Variants in CPS1 observed in about 807,000 individuals in gnomAD.
CPS1 encodes carbamoyl-phosphate synthase 1, also known as carbamoyl-phosphate synthase [ammonia], mitochondrial.
A neutral mutation model predicts 174.6 loss-of-function variants in CPS1; 109 were observed. The observed-to-expected ratio is 0.62, with a 90% CI of 0.53 to 0.73. CPS1 has a LOEUF of 0.73. CPS1 is among the 30% of genes least tolerant of loss of function. The pLI is 0.00. For synonymous variants in CPS1, 637 were observed against 632.0 expected, an observed-to-expected ratio of 1.01 and a Z score of -0.12; for missense variants, 1,689 against 1,821.9, an observed-to-expected ratio of 0.93 and a Z score of 1.33.
rs756021170 is a variant in CPS1 at position 210,590,157 on chromosome 2, G to A, written c.763G>A (p.Glu255Lys). The A allele has an allele frequency of 1.9e-5, 31 of 1,612,794 alleles. No homozygotes were observed. Among genetic ancestry groups the A allele is most frequent in the African/African-American group, 5.3e-5 (4 of 74,792 alleles). Residue 255 changes from glutamate to lysine, a missense_variant, in exon 8 of 38, where the codon GAG becomes AAG. By Grantham distance (56) the Glu-to-Lys change is moderately conservative (BLOSUM62 1). Transcript: ENST00000233072. The part of the protein sequence containing the change: ...VPWNHDFTKM[E>K]YDGILIAGGP... Reference sequence around the variant, plus strand: ...CTGGAACCATGATTTCACCAAGATGGAGTATGATGGGATTTTGATCGCGGG... The same window carrying A: ...CTGGAACCATGATTTCACCAAGATGAAGTATGATGGGATTTTGATCGCGGG...
chr2:210,677,552 A>C (rs949641011), intron 37 of CPS1, among the ~76,000 whole-genome samples: 1 of 152,248 alleles, frequency 6.6e-6, no homozygotes, highest in Non-Finnish European at 1.5e-5. Context: ...GTTCAGTTTC[A>C]CTTGGACATG....
chr2:210,552,947 T>C (rs1696768660), upstream of CPS1, among the ~76,000 whole-genome samples: 1 of 151,932 alleles, frequency 6.6e-6, no homozygotes, highest in Non-Finnish European at 1.5e-5. Context: ...AAATGAAAGA[T>C]AATACATAAT....
At position 210,663,177 on chromosome 2, in the gene CPS1, G is replaced by A. The variant is rs2105926204; in HGVS notation, c.3982G>A (p.Glu1328Lys). 1 of 1,613,610 alleles carries A rather than the reference G, an allele frequency of 6.2e-7. No individual in the cohort carries two copies. ...LRDADPILRC[E>K]MASTGEVACF... ...GGATGCTGACCCCATTCTGAGATGT[G>A]AGATGGCTTCCACTGGAGAGGTAAC... Residue 1328 changes from glutamate (E) to lysine (K), a missense_variant, in exon 33 of 38, where the codon GAG becomes AAG. By Grantham distance (56) the Glu-to-Lys change is moderately conservative. Coordinates refer to ENST00000233072, the MANE Select transcript of CPS1 (RefSeq NM_001875.5).
chr2:210,592,906 T>G lies in CPS1; in HGVS notation c.1114T>G (p.Phe372Val). Residue 372 changes from phenylalanine to valine, a missense_variant, in exon 11 of 38, where the codon TTC becomes GTC. Physicochemically the swap from Phe to Val is conservative, Grantham distance 50. Coordinates refer to ENST00000233072, the MANE Select transcript of CPS1 (RefSeq NM_001875.5). ...EGIMHESKPFFAVQFHPEVTP... is the reference protein window; with the variant it reads ...EGIMHESKPFVAVQFHPEVTP... The stretch of plus-strand genomic sequence containing the variant: ...GATTATGCATGAGAGCAAACCCTTC[T>G]TCGCTGTGCAGTTCCACCCAGAGGT... 2 of 1,612,548 alleles carry G rather than the reference T, an allele frequency of 1.2e-6. No individual in the cohort carries two copies. The highest frequency in any genetic ancestry group is 1.1e-5 in the South Asian group (1 of 91,042).
chr2:210,569,318 CCT>C (rs1697403851), intron 1 of CPS1, among the ~76,000 whole-genome samples: 1 of 151,994 alleles, frequency 6.6e-6, no homozygotes, highest in South Asian at 2.1e-4. Flanking sequence ...TCAAGGCAGA[CCT>C]CTCCGAGAAA....
chr2:210,537,483 A>G (rs1251088597), intron 1 of CPS1, among the ~76,000 whole-genome samples: 1 of 152,222 alleles, frequency 6.6e-6, no homozygotes, highest in Non-Finnish European at 1.5e-5. Flanking sequence ...CATAAATAAC[A>G]TCTGCCAAAA....
Position 210,511,860 on chromosome 2 carries a change from A to C in CPS1, c.3+34094A>C, listed in dbSNP as rs556381007. 2.0e-5 allele frequency among the ~76,000 whole-genome samples: 3 copies of C among 152,218 alleles called. No individual in the cohort carries two copies. The South Asian group carries it at 6.2e-4, about 32-fold the overall frequency. ...TACCTTGTGTATTTTTCTTATTTACACATTGTGGTTTCAATAATCTTCAAT... is the reference window on the plus strand; with the variant it reads ...TACCTTGTGTATTTTTCTTATTTACCCATTGTGGTTTCAATAATCTTCAAT... On this transcript the variant is annotated intron_variant, in intron 1 of 38. Coordinates refer to the CPS1 transcript ENST00000430249.
intron 21 of CPS1, among the ~76,000 whole-genome samples, chr2:210,635,839 A>G (rs928873750): frequency 2.0e-5 from 3 of 152,212 alleles, no homozygotes; most frequent in Non-Finnish European, 4.4e-5. Flanking sequence ...ACAGAAGAGA[A>G]TTTAGGTGCA....
chr2:210,626,304 CT>C (rs1699696673), intron 21 of CPS1, among the ~76,000 whole-genome samples: 2 of 152,004 alleles, frequency 1.3e-5, no homozygotes, highest in Non-Finnish European at 2.9e-5. Context: ...AATAAACTTT[CT>C]TGGTAGAAAG....
At chr2:210,482,423 C>T (rs753479826) in intron 1 of CPS1, among the ~76,000 whole-genome samples, 1 of 151,962 alleles carries the variant, frequency 6.6e-6, no homozygotes, top group East Asian at 1.9e-4. Context: ...CCACCGCAGC[C>T]CCCTGAGTAG....
intron 6 of CPS1, among the ~76,000 whole-genome samples, chr2:210,586,555 G>T (rs1156381811): frequency 6.6e-6 from 1 of 152,004 alleles, no homozygotes; most frequent in African/African-American, 2.4e-5. Context: ...GTCAAGCAAG[G>T]TTGCAAAATG....
intron 18 of CPS1, among the ~76,000 whole-genome samples, chr2:210,607,639 A>G (rs1698964248): frequency 6.6e-6 from 1 of 151,934 alleles, no homozygotes; most frequent in African/African-American, 2.4e-5. Context: ...TACAGGAGTC[A>G]CAATTCTGCA....
chr2:210,512,736 T>TTTTATA (rs1279555792), intron 1 of CPS1, among the ~76,000 whole-genome samples: 14 of 46,772 alleles, frequency 3.0e-4, no homozygotes, highest in African/African-American at 1.4e-3. Flanking sequence ...TCCAGTAGTT[T>TTTTATA]TATATATATA....
chr2:210,478,337 T>C (rs143582644), intron 1 of CPS1, among the ~76,000 whole-genome samples: 121 of 152,398 alleles, frequency 7.9e-4, no homozygotes, highest in African/African-American at 2.8e-3. Context: ...ATGTAGAATC[T>C]CACTGATGTT....
At chr2:210,659,286 T>A (rs1700833129) in intron 31 of CPS1, among the ~76,000 whole-genome samples, 2 of 152,080 alleles carry the variant, frequency 1.3e-5, no homozygotes, top group African/African-American at 4.8e-5. Context: ...CTGCTTCCAT[T>A]CATGGTGGAG....
intron 10 of CPS1, 34 bp from the exon 11 acceptor site, chr2:210,592,845 A>G (rs368195870): frequency 2.6e-5 from 40 of 1,562,318 alleles, no homozygotes; most frequent in Non-Finnish European, 3.4e-5. Flanking sequence ...TCATTGTTAC[A>G]GAAGGAATTT....
intron 1 of CPS1, among the ~76,000 whole-genome samples, chr2:210,490,796 G>A (rs1174695098): frequency 6.6e-6 from 1 of 152,200 alleles, no homozygotes; most frequent in Non-Finnish European, 1.5e-5. Flanking sequence ...TGTACACAAT[G>A]AAACTGTTGG....
intron 1 of CPS1, among the ~76,000 whole-genome samples, chr2:210,559,401 C>T (rs958156328): frequency 8.6e-5 from 13 of 152,028 alleles, no homozygotes; most frequent in Non-Finnish European, 1.5e-4. Context: ...ACAGCAATGA[C>T]GCACTTATAA....
chr2:210,539,277 C>T (rs999726396), intron 1 of CPS1, among the ~76,000 whole-genome samples: 1 of 152,146 alleles, frequency 6.6e-6, no homozygotes, highest in Non-Finnish European at 1.5e-5. Context: ...CTCTTATTCT[C>T]AGTATACAGA....
Sources: allele counts gnomAD v4.1 joint callset (sites outside exome capture counted in the v4.1 genomes callset), GRCh38; gene constraint gnomAD v4.1.1; transcripts MANE v1.5; gene names NCBI Gene and HGNC (gene_info 2026-07-23, HGNC 2026-07-21).